The following FBN3 variants were observed in gnomAD, a reference collection of about 807,000 sequenced individuals.
FBN3 encodes fibrillin-3.
A neutral mutation model predicts 330.1 loss-of-function variants in FBN3; 234 were observed. The ratio of observed to expected loss-of-function variants is 0.71; its 90% CI spans 0.64 to 0.79. The LOEUF (loss-of-function observed/expected upper bound fraction) is 0.79. FBN3 is among the 30% of genes least tolerant of loss of function. The pLI is 0.00. For missense variants in FBN3, 3,606 were observed against 3,886.9 expected, an observed-to-expected ratio of 0.93 and a Z score of 1.92; for synonymous variants, 1,458 against 1,517.3, an observed-to-expected ratio of 0.96 and a Z score of 0.91.
At position 8,123,849 on chromosome 19, in the gene FBN3, C is replaced by T; in HGVS notation, c.2891G>A (p.Ser964Asn). Residue 964 changes from serine (S) to asparagine (N), a missense_variant, in exon 23 of 64, where the codon AGC (serine) becomes AAC (asparagine). Transcript: ENST00000600128. Reference protein sequence around the residue: ...CPDPESLEFASLCPRGLGFAS... With the variant: ...CPDPESLEFANLCPRGLGFAS... Reference sequence around the variant, plus strand: ...GAAGCCCAGCCCCCGCGGGCACAGGCTGGCGAACTCCAGAGACTCGGGATC... The same window carrying T: ...GAAGCCCAGCCCCCGCGGGCACAGGTTGGCGAACTCCAGAGACTCGGGATC... 6.2e-7 allele frequency: 1 copy of T among 1,612,974 alleles called. No homozygotes were observed. The highest frequency in any genetic ancestry group is 2.2e-5 in the East Asian group (1 of 44,880).
At chr19:8,135,464 G>C (rs1220482591) in intron 13 of FBN3, among the ~76,000 whole-genome samples, 1 of 150,950 alleles carries the variant, frequency 6.6e-6, no homozygotes, top group Non-Finnish European at 1.5e-5. Context: ...ATTTAGTAGA[G>C]ATGGGGTTTC....
At chr19:8,071,670 G>T (rs2081514578) in intron 63 of FBN3, among the ~76,000 whole-genome samples, 1 of 152,130 alleles carries the variant, frequency 6.6e-6, no homozygotes, top group Non-Finnish European at 1.5e-5. Context: ...CAGGAGGTGA[G>T]GGGGTGACAG....
intron 34 of FBN3, among the ~76,000 whole-genome samples, chr19:8,110,074 G>C (rs990388532): frequency 2.0e-5 from 3 of 152,140 alleles, no homozygotes; most frequent in Non-Finnish European, 4.4e-5. Context: ...TTGATGTTTA[G>C]AGACAGGGTC....
intron 27 of FBN3, 62 bp from the exon 28 acceptor site, chr19:8,117,353 G>A (rs972268435): frequency 2.0e-6 from 3 of 1,532,644 alleles, no homozygotes; most frequent in Non-Finnish European, 2.6e-6. Flanking sequence ...TGGGGAGGGG[G>A]CTGGTTTGGG....
Position 8,085,554 on chromosome 19 carries a change from G to C in FBN3, c.6896C>G (p.Pro2299Arg). The part of the protein sequence containing the change: ...LTECHDIRQG[P>R]CFAEVLQTMC... The stretch of plus-strand genomic sequence containing the variant: ...GGTCTGCAGCACCTCGGCAAAGCAG[G>C]GCCCCTGCCGGATGTCTGCAGAGAA... The change falls in exon 56 of 64, where the codon CCC becomes CGC. Residue 2299 changes from proline (P) to arginine (R), a missense_variant. Transcript: ENST00000600128. 6.4e-7 allele frequency: 1 copy of C among 1,571,992 alleles called. No individual in the cohort carries two copies. The highest frequency in any genetic ancestry group is 8.6e-7 in the Non-Finnish European group (1 of 1,159,586).
At position 8,098,396 on chromosome 19, in the gene FBN3, C is replaced by T. The variant is rs117615152; in HGVS notation, c.5162-982G>A. Among the ~76,000 whole-genome samples the T allele has an allele frequency of 5.3e-4, 80 of 151,336 alleles. 1 individual carries two copies. The East Asian group carries it at 0.014, about 26-fold the overall frequency. On this transcript the variant is annotated intron_variant, in intron 41 of 63. Coordinates refer to ENST00000600128, the MANE Select transcript of FBN3 (RefSeq NM_032447.5). ...AACCTAAGTGCCCATCAATAGGGGA[C>T]GGGAAACAACCTAAACAGGCATCAG...
At chr19:8,071,808 C>T (rs2081518107) in intron 63 of FBN3, among the ~76,000 whole-genome samples, 1 of 152,008 alleles carries the variant, frequency 6.6e-6, no homozygotes, top group Non-Finnish European at 1.5e-5. Context: ...TGACTTGTCA[C>T]CAGGAGTGAG....
chr19:8,110,957 C>G lies in FBN3; in HGVS notation c.4221G>C (p.Glu1407Asp). ...EDHRACQDVD[E>D]CAQGNLCAFG... ...ATGCACAGAGGTTCCCTTGCGCACA[C>G]TCGTCCACATCTGCGGGGACCCTGG... Residue 1407 changes from glutamate (E) to aspartate (D), a missense_variant, in exon 34 of 64, where the codon GAG becomes GAC. By Grantham distance (45) the Glu-to-Asp change is conservative. Coordinates refer to ENST00000600128, the MANE Select transcript of FBN3 (RefSeq NM_032447.5). 3 of 1,614,276 alleles carry G rather than the reference C, an allele frequency of 1.9e-6. No homozygotes were observed. Among genetic ancestry groups the G allele is most frequent in the African/African-American group, 1.3e-5 (1 of 75,080 alleles).
intron 59 of FBN3, among the ~76,000 whole-genome samples, chr19:8,079,180 C>T (rs1312305542): frequency 1.3e-5 from 2 of 152,098 alleles, no homozygotes; most frequent in African/African-American, 4.8e-5. Flanking sequence ...CTTCAGTGTG[C>T]TGTGATCACA....
At chr19:8,082,308 CCTTTCT>C (rs1428899554) in intron 57 of FBN3, among the ~76,000 whole-genome samples, 5 of 150,266 alleles carry the variant, frequency 3.3e-5, no homozygotes, top group Non-Finnish European at 7.4e-5. Context: ...TCTCTTTCTC[CCTTTCT>C]CTTTCTTTCT....
In FBN3 at chr19:8,131,658, C is replaced by T. The variant is rs779315775; in HGVS notation, c.1886G>A (p.Cys629Tyr). ...TCYGAIEKGS[C>Y]ARPFPGTVTK... ...GACAGTGCCAGGGAAGGGGCGGGCACAGGAGCCCTTCTCGATGGCCCCATA... is the reference window on the plus strand; with the variant it reads ...GACAGTGCCAGGGAAGGGGCGGGCATAGGAGCCCTTCTCGATGGCCCCATA... Residue 629 changes from cysteine (C) to tyrosine (Y), a missense_variant, in exon 15 of 64, where the codon TGT becomes TAT. Transcript: ENST00000600128. The surrounding 1 kb of genome is among the most constrained non-coding windows in gnomAD (Gnocchi z 4.5). 6.2e-7 allele frequency: 1 copy of T among 1,614,244 alleles called. No individual in the cohort carries two copies. Among genetic ancestry groups the T allele is most frequent in the South Asian group, 1.1e-5 (1 of 91,086 alleles).
At chr19:8,136,637 C>A (rs2083288294) in intron 10 of FBN3, 106 bp from the exon 11 acceptor site, 3 of 1,460,662 alleles carry the variant, frequency 2.1e-6, no homozygotes, top group African/African-American at 2.8e-5. Context: ...AAGGCTGGGA[C>A]CCTGCCCTGG....
At chr19:8,147,928 TC>T (rs1258596140) in intron 1 of FBN3, among the ~76,000 whole-genome samples, 1 of 150,356 alleles carries the variant, frequency 6.7e-6, no homozygotes, top group African/African-American at 2.5e-5. Flanking sequence ...GGCAGCAGGG[TC>T]CCGGGGGGGA....
In FBN3 at chr19:8,102,837, C is replaced by T; in HGVS notation, c.4976G>A (p.Gly1659Asp). Residue 1659 changes from glycine to aspartate, a missense_variant, in exon 40 of 64, where the codon GGC becomes GAC. Physicochemically the swap from Gly to Asp is moderately conservative, Grantham distance 94. Transcript: ENST00000600128. Reference sequence around the variant, plus strand: ...GAAGGCCAGCTCATTTTGACATGTGCCGTTATAGTGCCGGAAGCAGACACT... The same window carrying T: ...GAAGGCCAGCTCATTTTGACATGTGTCGTTATAGTGCCGGAAGCAGACACT... ...RKSVCFRHYN[G>D]TCQNELAFNV... The T allele has an allele frequency of 6.2e-7, 1 of 1,614,044 alleles. No homozygotes were observed. The highest frequency in any genetic ancestry group is 8.5e-7 in the Non-Finnish European group (1 of 1,179,998).
At chr19:8,094,149 T>C (rs1407401223) in intron 47 of FBN3, among the ~76,000 whole-genome samples, 2 of 152,222 alleles carry the variant, frequency 1.3e-5, no homozygotes, top group Non-Finnish European at 2.9e-5. Context: ...GACTGGTCCT[T>C]GATCTCCAGT....
intron 18 of FBN3, 89 bp from the exon 19 acceptor site, chr19:8,126,921 A>C: frequency 1.4e-6 from 2 of 1,453,160 alleles, no homozygotes; most frequent in Non-Finnish European, 1.8e-6. Flanking sequence ...GGCCGCCGCA[A>C]CCGGTGGCAC....
At chr19:8,083,407 G>C in intron 56 of FBN3, 35 bp from the exon 57 acceptor site, 1 of 1,611,230 alleles carries the variant, frequency 6.2e-7, no homozygotes, top group Non-Finnish European at 8.5e-7. Flanking sequence ...GGGCTGGCTG[G>C]CTGCTTCGCG....
Position 8,094,528 on chromosome 19 carries a change from T to C in FBN3, c.5823A>G (p.Leu1941=). 1 of 1,613,898 alleles carries C rather than the reference T, an allele frequency of 6.2e-7. No homozygotes were observed. The highest frequency in any genetic ancestry group is 1.7e-5 in the Admixed American group (1 of 60,018). ...CCTCGAGGTTCTGGCAAGTGCCGGGTAGGCAGGTTCCTGCAAGGCTGAGGC... is the reference window on the plus strand; with the variant it reads ...CCTCGAGGTTCTGGCAAGTGCCGGGCAGGCAGGTTCCTGCAAGGCTGAGGC... ...NECLSLAGTC[L]PGTCQNLEGS... Residue 1941 remains leucine, a synonymous_variant, in exon 47 of 64, where the codon CTA becomes CTG. Transcript: ENST00000600128.
At chr19:8,086,419 C>T (rs2081960017) in intron 54 of FBN3, 94 bp from the exon 55 acceptor site, 6 of 621,466 alleles carry the variant, frequency 9.7e-6, no homozygotes, top group Non-Finnish European at 1.3e-5. Flanking sequence ...CTGCCCAGGC[C>T]CTCTTGCTTA....
Sources: gnomAD v4.1 joint callset for allele counts (sites outside exome capture counted in the v4.1 genomes callset) on GRCh38, gnomAD v4.1.1 for gene constraint, Gnocchi (gnomAD v3.1) non-coding constraint, MANE v1.5 for transcripts, NCBI Gene and HGNC (gene_info 2026-07-23, HGNC 2026-07-21) for gene names.